PPP1R12B: variants seen among roughly 807,000 people sequenced by gnomAD.
The protein encoded by PPP1R12B is protein phosphatase 1 regulatory subunit 12B.
Under a neutral mutation model 126.1 loss-of-function variants are expected in PPP1R12B, and 76 were observed. The ratio of observed to expected loss-of-function variants is 0.60; its 90% CI spans 0.50 to 0.73. The LOEUF (loss-of-function observed/expected upper bound fraction) is 0.73, where lower values mean the gene tolerates loss of function less well. Among genes scored for constraint, PPP1R12B ranks in the 30% least tolerant of loss-of-function variants. The pLI is 0.00. For synonymous variants in PPP1R12B, 356 were observed against 434.7 expected (o/e 0.82, Z 2.25); for missense variants, 1,052 against 1,205.1 (o/e 0.87, Z 1.88).
intron 1 of PPP1R12B, among the ~76,000 whole-genome samples, chr1:202,387,634 A>G (rs1209329598): frequency 6.6e-6 from 1 of 152,110 alleles, no homozygotes; most frequent in Non-Finnish European, 1.5e-5. Context: ...GAAAAGGATT[A>G]TTTAATGATT....
intron 1 of PPP1R12B, among the ~76,000 whole-genome samples, chr1:202,413,852 G>A (rs1373526848): frequency 1.3e-5 from 2 of 152,176 alleles, no homozygotes; most frequent in African/African-American, 2.4e-5. Flanking sequence ...AAAGGGAGGA[G>A]CATTTTAATA....
At chr1:202,424,296 G>C (rs1669206487) in intron 3 of PPP1R12B, among the ~76,000 whole-genome samples, 1 of 151,046 alleles carries the variant, frequency 6.6e-6, no homozygotes, top group Non-Finnish European at 1.5e-5. Flanking sequence ...AAATCACACA[G>C]ATAATACTTA....
intron 18 of PPP1R12B, among the ~76,000 whole-genome samples, chr1:202,536,964 C>T (rs1293676547): frequency 1.3e-5 from 2 of 152,198 alleles, no homozygotes; most frequent in Non-Finnish European, 2.9e-5. Context: ...TCCTGAAGAA[C>T]CTGCCTGAGG....
At chr1:202,534,563 C>CTTTTT (rs34606007) in intron 18 of PPP1R12B, among the ~76,000 whole-genome samples, 2 of 132,948 alleles carry the variant, frequency 1.5e-5, no homozygotes, top group Non-Finnish European at 3.2e-5. Flanking sequence ...CTAGCTTTCC[C>CTTTTT]TTTTTTTTTT....
chr1:202,438,518 TGAAA>T (rs1231203774), intron 10 of PPP1R12B: 105 of 406,352 alleles, frequency 2.6e-4, no homozygotes, highest in African/African-American at 1.7e-3. Flanking sequence ...GAAGATGACC[TGAAA>T]GAGCTGCCCC....
At chr1:202,417,958 A>G (rs980250268) in intron 2 of PPP1R12B, among the ~76,000 whole-genome samples, 1 of 152,176 alleles carries the variant, frequency 6.6e-6, no homozygotes, top group Non-Finnish European at 1.5e-5. Context: ...ACAAAGGGAG[A>G]GTCAGAGCCA....
At chr1:202,577,656 C>T (rs1422846758) in intron 23 of PPP1R12B, among the ~76,000 whole-genome samples, 9 of 151,872 alleles carry the variant, frequency 5.9e-5, no homozygotes, top group Non-Finnish European at 1.2e-4. Flanking sequence ...CCAGAGGGGA[C>T]TCCCTTCCCA....
chr1:202,571,957 C>T (rs2149032654), intron 23 of PPP1R12B, among the ~76,000 whole-genome samples: 1 of 152,288 alleles, frequency 6.6e-6, no homozygotes, highest in Non-Finnish European at 1.5e-5. Context: ...GCATCTGTGC[C>T]TCTGCATTCT....
chr1:202,406,509 C>T (rs1666623160), intron 1 of PPP1R12B, among the ~76,000 whole-genome samples: 1 of 152,114 alleles, frequency 6.6e-6, no homozygotes, highest in Admixed American at 6.5e-5. Flanking sequence ...GTTCCATGAA[C>T]CAAGTAGTTT....
rs1369872956 is a variant in PPP1R12B, at chr1:202,431,532, G to A, written c.1054G>A (p.Glu352Lys). 30 of 1,613,438 alleles carry A rather than the reference G, an allele frequency of 1.9e-5. No individual in the cohort carries two copies. Among genetic ancestry groups the A allele is most frequent in the Non-Finnish European group, 2.4e-5 (28 of 1,179,734 alleles). The change falls in exon 8 of 24, where the codon GAA (glutamate) becomes AAA (lysine). Residue 352 changes from glutamate to lysine, a missense_variant. Transcript: ENST00000608999. ...EETPKSQEME[E>K]ENKESSSSSS... ...GACACCTAAGTCCCAAGAAATGGAG[G>A]AAGAAAATAAAGAATCTAGTAGCTC...
At chr1:202,417,329 C>T (rs1400176246) in intron 2 of PPP1R12B, 1 of 984,824 alleles carries the variant, frequency 1.0e-6, no homozygotes, top group African/African-American at 1.7e-5. Context: ...ATAAAAAATG[C>T]CTAGCATACC....
In PPP1R12B at chr1:202,508,021, A is replaced by C. The variant is rs914350728; in HGVS notation, c.2490+11199A>C. ...TAAGGCACTAACAGACGTTACCTTTAGAAGTGTTATTTTGGTAGAATCTCA... is the reference window on the plus strand; with the variant it reads ...TAAGGCACTAACAGACGTTACCTTTCGAAGTGTTATTTTGGTAGAATCTCA... On this transcript the variant is annotated intron_variant, in intron 18 of 23. Transcript: ENST00000608999. This position sits in a 1 kb window ranked among gnomAD's most constrained non-coding sequence, Gnocchi z 4.5. 3.3e-5 allele frequency among the ~76,000 whole-genome samples: 5 copies of C among 152,258 alleles called. No individual in the cohort carries two copies. Among genetic ancestry groups the C allele is most frequent in the Admixed American group, 6.5e-5 (1 of 15,286 alleles).
In PPP1R12B at chr1:202,587,139, T is replaced by G. The variant is rs1161599438; in HGVS notation, c.*6579T>G. On this transcript the variant is annotated 3_prime_UTR_variant, in exon 24 of 24. Transcript: ENST00000608999. Reference sequence around the variant, plus strand: ...CTCCTCCAAATTTTTCCCTGATGTTTCCAATAAAGATTTACTTGGGTGGCC... The same window carrying G: ...CTCCTCCAAATTTTTCCCTGATGTTGCCAATAAAGATTTACTTGGGTGGCC... The G allele has an allele frequency of 2.0e-5, 3 of 152,226 alleles. No homozygotes were observed. Among genetic ancestry groups the G allele is most frequent in the Non-Finnish European group, 4.4e-5 (3 of 68,050 alleles). 9.4% of individuals were successfully genotyped at this position (152,226 alleles called of 1,614,324 possible). A position where few individuals can be genotyped will look rare whatever the true frequency, so the allele number is the denominator to read the frequency against.
At chr1:202,359,761 G>A (rs967328157) in intron 1 of PPP1R12B, among the ~76,000 whole-genome samples, 14 of 152,158 alleles carry the variant, frequency 9.2e-5, no homozygotes, top group South Asian at 4.2e-4. Context: ...CTGAGATCTC[G>A]CCACTGCACT....
intron 1 of PPP1R12B, among the ~76,000 whole-genome samples, chr1:202,406,922 TTAG>T (rs538061709): frequency 1.2e-4 from 19 of 152,298 alleles, no homozygotes; most frequent in Middle Eastern, 3.4e-3. Context: ...TTTATCACAA[TTAG>T]TAGGCCACAT....
chr1:202,569,030 T>C (rs1688333340), intron 22 of PPP1R12B, 117 bp from the exon 23 acceptor site: 6 of 1,118,678 alleles, frequency 5.4e-6, no homozygotes, highest in Non-Finnish European at 5.3e-6. Context: ...AAGGTTTGCC[T>C]GAGTCAGCAG....
intron 2 of PPP1R12B, among the ~76,000 whole-genome samples, chr1:202,418,126 T>A (rs1306470778): frequency 6.6e-6 from 1 of 152,218 alleles, no homozygotes; most frequent in Admixed American, 6.5e-5. Context: ...AGTAACCTCT[T>A]CATCCCCTAG....
intron 23 of PPP1R12B, among the ~76,000 whole-genome samples, chr1:202,569,865 A>G (rs1046630924): frequency 2.6e-5 from 4 of 152,116 alleles, no homozygotes; most frequent in East Asian, 1.9e-4. Flanking sequence ...GACAGCTGCC[A>G]TCCTGGGCAG....
At chr1:202,485,513 G>A (rs1677988821) in intron 13 of PPP1R12B, among the ~76,000 whole-genome samples, 1 of 152,072 alleles carries the variant, frequency 6.6e-6, no homozygotes, top group African/African-American at 2.4e-5. Context: ...GAGGACAGAG[G>A]GACTCTCCTA....
Sources: gnomAD v4.1 joint callset for allele counts (sites outside exome capture counted in the v4.1 genomes callset) on GRCh38, gnomAD v4.1.1 for gene constraint, Gnocchi (gnomAD v3.1) non-coding constraint, MANE v1.5 for transcripts, NCBI Gene and HGNC (gene_info 2026-07-23, HGNC 2026-07-21) for gene names.